FRMD6: variants seen among roughly 807,000 people sequenced by gnomAD.
The protein encoded by FRMD6 is FERM domain-containing protein 6.
In FRMD6, 37 loss-of-function variants were observed where a neutral mutation model predicts 73.2. The observed-to-expected ratio is 0.51, with a 90% CI of 0.39 to 0.66. The LOEUF is 0.66. Ranked by LOEUF, FRMD6 falls within the 30% of genes least tolerant of loss-of-function variation. FRMD6 has a pLI of 0.00. For missense variants in FRMD6, 714 were observed against 780.5 expected, an observed-to-expected ratio of 0.91 and a Z score of 1.02; for synonymous variants, 273 against 282.2, an observed-to-expected ratio of 0.97 and a Z score of 0.33.
intron 2 of FRMD6, among the ~76,000 whole-genome samples, chr14:51,592,922 A>C (rs979569713): frequency 1.3e-5 from 2 of 152,226 alleles, no homozygotes; most frequent in African/African-American, 4.8e-5. Flanking sequence ...ATGAAAGACA[A>C]AACCTGTGCA....
intron 1 of FRMD6, among the ~76,000 whole-genome samples, chr14:51,532,018 C>T (rs1278486027): frequency 6.6e-6 from 1 of 152,086 alleles, no homozygotes; most frequent in Non-Finnish European, 1.5e-5. Context: ...CATTTACCAC[C>T]ACATCGCTGA....
At chr14:51,399,221 A>G in the FRMD6 span, among the ~76,000 whole-genome samples, 22 of 152,284 alleles carry the variant, frequency 1.4e-4, no homozygotes, top group Admixed American at 5.9e-4. Context: ...CATTGCATTC[A>G]GCAGGTCTTC....
At chr14:51,718,421 G>A (rs881472) in intron 10 of FRMD6, among the ~76,000 whole-genome samples, 105,974 of 152,172 alleles carry the variant, frequency 0.7, 37,077 homozygotes, top group Non-Finnish European at 0.71. Flanking sequence ...TAGGTCCACA[G>A]TTCCTAATTA....
chr14:51,627,995 C>T (rs1276299516), intron 2 of FRMD6, among the ~76,000 whole-genome samples: 1 of 152,130 alleles, frequency 6.6e-6, no homozygotes, highest in Non-Finnish European at 1.5e-5. Context: ...ACTCATAATA[C>T]TTAATAAAGC....
At chr14:51,440,921 C>T in the FRMD6 span, among the ~76,000 whole-genome samples, 5 of 152,184 alleles carry the variant, frequency 3.3e-5, no homozygotes, top group African/African-American at 1.2e-4. Flanking sequence ...GCTTCCTAAC[C>T]CTGGCACTAT....
At chr14:51,591,158 T>C (rs140730345) in intron 2 of FRMD6, among the ~76,000 whole-genome samples, 3 of 152,206 alleles carry the variant, frequency 2.0e-5, no homozygotes, top group Non-Finnish European at 4.4e-5. Context: ...ATCCATCATG[T>C]TGATCAGGGC....
chr14:51,612,547 T>A (rs1950926), intron 2 of FRMD6, among the ~76,000 whole-genome samples: 5 of 152,152 alleles, frequency 3.3e-5, no homozygotes, highest in East Asian at 1.9e-4. Context: ...TCAATTTCAC[T>A]TCTATAAAAT....
At chr14:51,659,323 C>A (rs564857226) in intron 1 of FRMD6, among the ~76,000 whole-genome samples, 2 of 152,198 alleles carry the variant, frequency 1.3e-5, no homozygotes. Flanking sequence ...AAACGTCTTA[C>A]GTGATGTTAG....
intron 2 of FRMD6, among the ~76,000 whole-genome samples, chr14:51,629,143 T>C (rs543959339): frequency 6.6e-6 from 1 of 152,268 alleles, no homozygotes; most frequent in African/African-American, 2.4e-5. Context: ...CCTCCCAAAG[T>C]GCTGGGATTA....
chr14:51,630,224 C>T (rs1006771121), intron 2 of FRMD6, among the ~76,000 whole-genome samples: 7 of 151,882 alleles, frequency 4.6e-5, no homozygotes, highest in Non-Finnish European at 7.4e-5. Context: ...GTTGACTGCC[C>T]ATATACTAGA....
chr14:51,674,537 A>G (rs1447369842), intron 1 of FRMD6, among the ~76,000 whole-genome samples: 1 of 152,106 alleles, frequency 6.6e-6, no homozygotes, highest in Non-Finnish European at 1.5e-5. Context: ...GATTAGAGCC[A>G]TATGAAAAAG....
chr14:51,593,050 G>A (rs1889487537), intron 2 of FRMD6, among the ~76,000 whole-genome samples: 1 of 152,176 alleles, frequency 6.6e-6, no homozygotes, highest in African/African-American at 2.4e-5. Flanking sequence ...TTGTCACTCA[G>A]TTTAGTAAAC....
intron 2 of FRMD6, among the ~76,000 whole-genome samples, chr14:51,571,574 C>T (rs1285911146): frequency 6.6e-6 from 1 of 152,140 alleles, no homozygotes; most frequent in Non-Finnish European, 1.5e-5. Flanking sequence ...TATAAAGATA[C>T]TGTCGTTCTT....
chr14:51,413,677 A>G, the FRMD6 span, among the ~76,000 whole-genome samples: 1 of 152,192 alleles, frequency 6.6e-6, no homozygotes, highest in Non-Finnish European at 1.5e-5. Flanking sequence ...CATACCCAGT[A>G]ATAGGATTGC....
chr14:51,648,527 G>A (rs971761298), upstream of FRMD6, among the ~76,000 whole-genome samples: 5 of 152,154 alleles, frequency 3.3e-5, no homozygotes, highest in Non-Finnish European at 5.9e-5. Flanking sequence ...TAATTCCAAC[G>A]TGCTTGCAAG....
chr14:51,502,870 C>A (rs1367824033), intron 1 of FRMD6, among the ~76,000 whole-genome samples: 1 of 152,150 alleles, frequency 6.6e-6, no homozygotes, highest in Non-Finnish European at 1.5e-5. Context: ...TCTCTGATTT[C>A]TTTGAGCAGT....
intron 2 of FRMD6, among the ~76,000 whole-genome samples, chr14:51,625,293 A>G (rs1241534435): frequency 1.3e-5 from 2 of 152,146 alleles, no homozygotes; most frequent in Admixed American, 6.5e-5. Flanking sequence ...GGTGGTGGTT[A>G]TATATTTTTC....
chr14:51,702,551 C>T lies in FRMD6; in HGVS notation c.334C>T (p.Arg112Cys), dbSNP rs746651721. ...TGGGCCTCCTATGATCATCCACTTC[C>T]GTGTGCAGTACTATGTGGAAAATGG... ...QFGPPMIIHF[R>C]VQYYVENGRL... The change falls in exon 5 of 14, where the codon CGT becomes TGT. Residue 112 changes from arginine to cysteine, a missense_variant. Physicochemically the swap from Arg to Cys is radical, Grantham distance 180. Coordinates refer to ENST00000344768, the MANE Select transcript of FRMD6 (RefSeq NM_001267046.2). The T allele has an allele frequency of 2.2e-5, 35 of 1,611,728 alleles. No individual in the cohort carries two copies. Among genetic ancestry groups the T allele is most frequent in the African/African-American group, 2.7e-5 (2 of 74,746 alleles).
chr14:51,678,926 A>T (rs181839398), intron 1 of FRMD6, among the ~76,000 whole-genome samples: 1 of 152,284 alleles, frequency 6.6e-6, no homozygotes, highest in African/African-American at 2.4e-5. Context: ...TGAAAGCAAG[A>T]CTTGTTCAGG....
Sources: gnomAD v4.1 joint callset for allele counts (sites outside exome capture counted in the v4.1 genomes callset) on GRCh38, gnomAD v4.1.1 for gene constraint, MANE v1.5 for transcripts, NCBI Gene and HGNC (gene_info 2026-07-23, HGNC 2026-07-21) for gene names.